Variants in GRIK4 observed in about 807,000 individuals in gnomAD.
GRIK4 encodes the protein glutamate ionotropic receptor kainate type subunit 4.
GRIK4 carries 40 observed loss-of-function variants against 104.9 expected under a neutral mutation model. That is an observed-to-expected ratio of 0.38 (90% confidence interval 0.30 to 0.50). GRIK4 has a LOEUF of 0.50. Ranked by LOEUF, GRIK4 falls within the 20% of genes least tolerant of loss-of-function variation. The pLI is 0.93. For synonymous variants in GRIK4, 485 were observed against 524.9 expected, an observed-to-expected ratio of 0.92 and a Z score of 1.04; for missense variants, 1,047 against 1,308.1, an observed-to-expected ratio of 0.80 and a Z score of 3.08.
At chr11:120,629,831 A>G (rs1463005636) in intron 1 of GRIK4, among the ~76,000 whole-genome samples, 2 of 152,188 alleles carry the variant, frequency 1.3e-5, no homozygotes, top group African/African-American at 2.4e-5. Flanking sequence ...CCTCAGAGGC[A>G]TCTGCCCACC....
chr11:120,635,319 G>A (rs1167448678), intron 1 of GRIK4, among the ~76,000 whole-genome samples: 3 of 152,232 alleles, frequency 2.0e-5, no homozygotes, highest in African/African-American at 7.2e-5. Flanking sequence ...AGAGGCGTAG[G>A]TCAGAGTCCT....
chr11:120,852,228 C>T (rs1828537054), intron 8 of GRIK4, among the ~76,000 whole-genome samples: 1 of 152,230 alleles, frequency 6.6e-6, no homozygotes, highest in South Asian at 2.1e-4. Context: ...AAGACAGACC[C>T]AGCTGCTGCT....
intron 1 of GRIK4, among the ~76,000 whole-genome samples, chr11:120,602,705 C>A (rs1948902877): frequency 6.6e-6 from 1 of 152,138 alleles, no homozygotes; most frequent in Admixed American, 6.5e-5. Context: ...TTAGTATCTT[C>A]TTCTTATTAG....
intron 6 of GRIK4, among the ~76,000 whole-genome samples, chr11:120,825,449 G>A (rs568576638): frequency 3.9e-5 from 6 of 152,300 alleles, no homozygotes; most frequent in Non-Finnish European, 5.9e-5. Flanking sequence ...GGAAATGCTC[G>A]GCACACATGA....
intron 8 of GRIK4, among the ~76,000 whole-genome samples, chr11:120,840,136 G>A (rs1321267319): frequency 6.6e-6 from 1 of 152,184 alleles, no homozygotes; most frequent in Non-Finnish European, 1.5e-5. Flanking sequence ...GGGAAGCTGG[G>A]CTCAGTGACA....
chr11:120,761,684 A>G (rs1951751072), intron 3 of GRIK4, among the ~76,000 whole-genome samples: 2 of 152,292 alleles, frequency 1.3e-5, no homozygotes, highest in South Asian at 4.1e-4. Context: ...CAGTTTTCTC[A>G]CCACCATTTG....
chr11:120,773,605 A>G (rs1951986658), intron 3 of GRIK4, among the ~76,000 whole-genome samples: 1 of 152,180 alleles, frequency 6.6e-6, no homozygotes, highest in African/African-American at 2.4e-5. Flanking sequence ...AAGGAAAGAT[A>G]GGAGGCAAAA....
Position 120,962,532 on chromosome 11 carries a change from CAGA to C in GRIK4, c.2118_2120del (p.Glu708del), listed in dbSNP as rs754009272. On this transcript the variant is annotated inframe_deletion, in exon 18 of 21. Coordinates refer to ENST00000527524, the MANE Select transcript of GRIK4 (RefSeq NM_014619.5). ...CAGCCCAGCGTGTTCGTGAAGAGCA[CAGA>C]GGAGGGAATCGCCAGGGTGTTGAAT... 6.2e-7 allele frequency: 1 copy of C among 1,614,072 alleles called. No individual in the cohort carries two copies. The highest frequency in any genetic ancestry group is 8.5e-7 in the Non-Finnish European group (1 of 1,179,948).
Position 120,831,994 on chromosome 11 carries a change from C to G in GRIK4, c.654C>G (p.His218Gln). 1 of 1,613,702 alleles carries G rather than the reference C, an allele frequency of 6.2e-7. No individual in the cohort carries two copies. Among genetic ancestry groups the G allele is most frequent in the Admixed American group, 1.7e-5 (1 of 60,026 alleles). ...RDDKTATIII[H>Q]ANASMSHTIL... ...ACAAGACCGCCACCATCATCATCCA[C>G]GCCAACGCCTCCATGTCCCACACCA... The change falls in exon 7 of 21, where the codon CAC (histidine) becomes CAG (glutamine). Residue 218 changes from histidine to glutamine, a missense_variant. By Grantham distance (24) the His-to-Gln change is conservative. Coordinates refer to ENST00000527524, the MANE Select transcript of GRIK4 (RefSeq NM_014619.5).
chr11:120,717,237 G>T (rs1950851090), intron 3 of GRIK4, among the ~76,000 whole-genome samples: 1 of 152,170 alleles, frequency 6.6e-6, no homozygotes, highest in Admixed American at 6.5e-5. Flanking sequence ...CTAATGGCTG[G>T]GACAGAGGAA....
At chr11:120,951,703 C>G (rs1353353237) in intron 14 of GRIK4, among the ~76,000 whole-genome samples, 1 of 152,164 alleles carries the variant, frequency 6.6e-6, no homozygotes, top group Non-Finnish European at 1.5e-5. Flanking sequence ...TGGGACAAGA[C>G]AGGGTAGCAG....
intron 5 of GRIK4, 106 bp downstream of exon 5, chr11:120,815,581 T>A: frequency 4.8e-6 from 3 of 625,632 alleles, no homozygotes; most frequent in Non-Finnish European, 8.2e-6. Context: ...CAAGGCTGGG[T>A]TGGTATCATT....
In GRIK4 at chr11:120,987,690, C is replaced by G. The variant is rs747573340; in HGVS notation, c.*1430C>G. ...ACCAAATAGGAGTTACTGATGCTGT[C>G]CAGGTTACCAGGTGACTGCTAGTGA... On this transcript the variant is annotated 3_prime_UTR_variant, in exon 21 of 21. Coordinates refer to ENST00000527524, the MANE Select transcript of GRIK4 (RefSeq NM_014619.5). 3 of 152,162 alleles carry G rather than the reference C, an allele frequency of 2.0e-5. No homozygotes were observed. Among genetic ancestry groups the G allele is most frequent in the Non-Finnish European group, 4.4e-5 (3 of 68,062 alleles). 9.4% of individuals were successfully genotyped at this position (152,162 alleles called of 1,614,324 possible). A position where few individuals can be genotyped will look rare whatever the true frequency, so the allele number is the denominator to read the frequency against.
intron 11 of GRIK4, among the ~76,000 whole-genome samples, chr11:120,892,364 C>T (rs934349232): frequency 2.6e-5 from 4 of 152,156 alleles, no homozygotes; most frequent in African/African-American, 4.8e-5. Flanking sequence ...CAGGGACTGG[C>T]GTGTATGTGA....
intron 3 of GRIK4, among the ~76,000 whole-genome samples, chr11:120,755,672 T>G (rs1472751201): frequency 6.6e-6 from 1 of 151,032 alleles, no homozygotes; most frequent in Non-Finnish European, 1.5e-5. Flanking sequence ...TAAAAATAAT[T>G]TACTATGCAA....
intron 7 of GRIK4, among the ~76,000 whole-genome samples, chr11:120,833,322 A>G (rs774276311): frequency 6.6e-6 from 1 of 151,652 alleles, no homozygotes; most frequent in Non-Finnish European, 1.5e-5. Context: ...ACGGAAACAC[A>G]ATATTTTTCT....
At chr11:120,596,292 T>A (rs926890503) in intron 1 of GRIK4, among the ~76,000 whole-genome samples, 2 of 152,204 alleles carry the variant, frequency 1.3e-5, no homozygotes, top group African/African-American at 2.4e-5. Flanking sequence ...GTTATAAAGA[T>A]GAAAAAGAAA....
In GRIK4 at chr11:120,647,073, A is replaced by T. The variant is rs529997792; in HGVS notation, c.-158-6612A>T. ...ACAAAGATACTTTCATTAGAGCCTAACATTTGGGGATGAGCGGATCCAGAC... is the reference window on the plus strand; with the variant it reads ...ACAAAGATACTTTCATTAGAGCCTATCATTTGGGGATGAGCGGATCCAGAC... On this transcript the variant is annotated intron_variant, in intron 1 of 20. Coordinates refer to ENST00000527524, the MANE Select transcript of GRIK4 (RefSeq NM_014619.5). Among the ~76,000 whole-genome samples the T allele has an allele frequency of 8.5e-5, 13 of 152,286 alleles. No individual in the cohort carries two copies. The South Asian group carries it at 2.7e-3, about 32-fold the overall frequency.
intron 3 of GRIK4, among the ~76,000 whole-genome samples, chr11:120,801,311 C>T (rs1952617369): frequency 6.6e-6 from 1 of 152,196 alleles, no homozygotes; most frequent in African/African-American, 2.4e-5. Context: ...CTGCAACCTC[C>T]ACTTCCCGGG....
Sources: gnomAD v4.1 joint callset for allele counts (sites outside exome capture counted in the v4.1 genomes callset) on GRCh38, gnomAD v4.1.1 for gene constraint, MANE v1.5 for transcripts, NCBI Gene and HGNC (gene_info 2026-07-23, HGNC 2026-07-21) for gene names.